The following NLGN1 variants were observed in gnomAD, a reference collection of about 807,000 sequenced individuals.
NLGN1 encodes the protein neuroligin 1, also known as neuroligin-1.
NLGN1 carries 12 observed loss-of-function variants against 65.5 expected under a neutral mutation model. That is an observed-to-expected ratio of 0.18 (90% confidence interval 0.12 to 0.30). The LOEUF (loss-of-function observed/expected upper bound fraction) is 0.30, where lower values mean the gene tolerates loss of function less well. NLGN1 is among the 10% of genes least tolerant of loss of function. The pLI, the probability that NLGN1 is intolerant of heterozygous loss-of-function variation, is 1.00. For synonymous variants in NLGN1, 350 were observed against 359.5 expected (o/e 0.97, Z 0.30); for missense variants, 750 against 1,007.1 (o/e 0.74, Z 3.46).
At chr3:174,144,729 T>C (rs1722898027) in intron 4 of NLGN1, among the ~76,000 whole-genome samples, 1 of 152,252 alleles carries the variant, frequency 6.6e-6, no homozygotes, top group Non-Finnish European at 1.5e-5. Flanking sequence ...GAGAAGTGTC[T>C]GTTCATATCC....
chr3:173,612,399 A>G (rs192291766), intron 3 of NLGN1, among the ~76,000 whole-genome samples: 73 of 152,240 alleles, frequency 4.8e-4, no homozygotes, highest in Middle Eastern at 6.8e-3. Context: ...TCTGGAGTCA[A>G]GAAGTTTAAA....
At chr3:174,221,615 T>TC (rs397717898) in intron 4 of NLGN1, among the ~76,000 whole-genome samples, 1 of 151,798 alleles carries the variant, frequency 6.6e-6, no homozygotes, top group Non-Finnish European at 1.5e-5. Flanking sequence ...TTTTTTTTTT[T>TC]CTAAAAACTG....
Position 173,884,835 on chromosome 3 carries a change from G to A in NLGN1, c.646+77003G>A, listed in dbSNP as rs73035431. Reference sequence around the variant, plus strand: ...CTGGAAAGTCCAAGGTTAAGGTGCCGACAGGTTCATGTCTGTTGAAGGCTG... The same window carrying A: ...CTGGAAAGTCCAAGGTTAAGGTGCCAACAGGTTCATGTCTGTTGAAGGCTG... On this transcript the variant is annotated intron_variant, in intron 4 of 6. Coordinates refer to ENST00000457714, the Ensembl canonical transcript of NLGN1. Among the ~76,000 whole-genome samples, 751 of 152,126 alleles carry A rather than the reference G, an allele frequency of 4.9e-3. 7 individuals are homozygous for A. Among genetic ancestry groups the A allele is most frequent in the African/African-American group, 0.017 (693 of 41,508 alleles).
chr3:174,154,134 A>G (rs1231310634), intron 4 of NLGN1, among the ~76,000 whole-genome samples: 4 of 152,122 alleles, frequency 2.6e-5, no homozygotes, highest in Non-Finnish European at 4.4e-5. Flanking sequence ...GAAGACATCT[A>G]GAACTATCAT....
At chr3:174,018,147 A>T (rs576777126) in intron 4 of NLGN1, among the ~76,000 whole-genome samples, 1 of 152,322 alleles carries the variant, frequency 6.6e-6, no homozygotes, top group South Asian at 2.1e-4. Context: ...TTGAAAGAAA[A>T]GAAATATGGC....
intron 2 of NLGN1, among the ~76,000 whole-genome samples, chr3:173,456,577 CA>C (rs1239588426): frequency 6.6e-6 from 1 of 152,106 alleles, no homozygotes; most frequent in Non-Finnish European, 1.5e-5. Context: ...TAGTATCTGT[CA>C]AAGACCAATT....
Position 174,050,921 on chromosome 3 carries a change from G to A in NLGN1, c.647-224394G>A, listed in dbSNP as rs192897299. Among the ~76,000 whole-genome samples, 658 of 152,126 alleles carry A rather than the reference G, an allele frequency of 4.3e-3. 2 individuals carry two copies. Among genetic ancestry groups the A allele is most frequent in the Admixed American group, 6.2e-3 (94 of 15,246 alleles). ...AGTTGAGCACGATGATTCCAGCCAC[G>A]AGAGAAGAGAACGCTGGGCTGAGAG... is the stretch of plus-strand genomic sequence containing the variant. On this transcript the variant is annotated intron_variant, in intron 4 of 6. Transcript: ENST00000457714.
chr3:173,557,493 T>G (rs1277933094), intron 2 of NLGN1, among the ~76,000 whole-genome samples: 2 of 152,144 alleles, frequency 1.3e-5, no homozygotes, highest in African/African-American at 4.8e-5. Flanking sequence ...TATTGTTTTC[T>G]CTTTGCCCTA....
At chr3:174,153,895 C>A (rs1005413484) in intron 4 of NLGN1, among the ~76,000 whole-genome samples, 4 of 152,018 alleles carry the variant, frequency 2.6e-5, no homozygotes, top group African/African-American at 9.7e-5. Context: ...AGCTGAATTT[C>A]TCTCCTTTGA....
At chr3:174,173,407 C>T (rs574062311) in intron 4 of NLGN1, among the ~76,000 whole-genome samples, 1 of 152,140 alleles carries the variant, frequency 6.6e-6, no homozygotes, top group African/African-American at 2.4e-5. Flanking sequence ...GAAAGGCTTT[C>T]AGTTTTTCCG....
At chr3:173,403,130 A>G (rs1047432056) in intron 1 of NLGN1, among the ~76,000 whole-genome samples, 3 of 152,200 alleles carry the variant, frequency 2.0e-5, no homozygotes, top group African/African-American at 7.2e-5. Context: ...GTCTGGCTGC[A>G]TGCTTCTGAT....
chr3:174,262,266 G>T (rs1244396840), intron 4 of NLGN1, among the ~76,000 whole-genome samples: 1 of 96,708 alleles, frequency 1.0e-5, no homozygotes, highest in Non-Finnish European at 2.0e-5. Flanking sequence ...AATGGTACCA[G>T]TTCCTCCTTG....
chr3:174,021,059 T>C (rs1394054225), intron 4 of NLGN1, among the ~76,000 whole-genome samples: 1 of 152,086 alleles, frequency 6.6e-6, no homozygotes, highest in East Asian at 2.0e-4. Flanking sequence ...CCTCTCTTGC[T>C]TTTTCTGCTT....
chr3:173,579,234 A>G (rs370917065), intron 2 of NLGN1, among the ~76,000 whole-genome samples: 1 of 152,222 alleles, frequency 6.6e-6, no homozygotes, highest in Non-Finnish European at 1.5e-5. Flanking sequence ...TAATCCCAGC[A>G]CAGCCAAGGT....
At chr3:173,857,505 AC>A (rs1430664381) in intron 4 of NLGN1, among the ~76,000 whole-genome samples, 1 of 151,782 alleles carries the variant, frequency 6.6e-6, no homozygotes, top group African/African-American at 2.4e-5. Context: ...TGCTTCTCCC[AC>A]CTCTGTACCC....
intron 2 of NLGN1, among the ~76,000 whole-genome samples, chr3:173,504,086 A>G (rs1731609346): frequency 6.6e-6 from 1 of 152,084 alleles, no homozygotes; most frequent in African/African-American, 2.4e-5. Context: ...GAGAAATGTA[A>G]TCAACTTTAG....
intron 3 of NLGN1, among the ~76,000 whole-genome samples, chr3:173,735,517 G>C (rs1250846395): frequency 6.6e-6 from 1 of 152,070 alleles, no homozygotes; most frequent in East Asian, 1.9e-4. Flanking sequence ...ATTTCTTACT[G>C]GTTCATGAAA....
rs188700973 is a variant in NLGN1 at position 174,234,396 on chromosome 3, T to C, written c.647-40919T>C. Among the ~76,000 whole-genome samples the C allele has an allele frequency of 1.1e-3, 160 of 152,254 alleles. 1 individual carries two copies. Among genetic ancestry groups the C allele is most frequent in the African/African-American group, 3.6e-3 (150 of 41,552 alleles). Reference sequence around the variant, plus strand: ...TGCATTCACAGCATCCTGCTAGCAATTGGGAGGGAAGCATGTGCAGTGTGT... The same window carrying C: ...TGCATTCACAGCATCCTGCTAGCAACTGGGAGGGAAGCATGTGCAGTGTGT... On this transcript the variant is annotated intron_variant, in intron 4 of 6. Coordinates refer to ENST00000457714, the Ensembl canonical transcript of NLGN1.
chr3:173,494,126 T>TGTGG (rs1233668112), intron 2 of NLGN1, among the ~76,000 whole-genome samples: 10 of 82,582 alleles, frequency 1.2e-4, no homozygotes, highest in Admixed American at 7.6e-4. Context: ...TAGGTGAGTG[T>TGTGG]GTGTGTGTGT....
Sources: allele counts gnomAD v4.1 joint callset (sites outside exome capture counted in the v4.1 genomes callset), GRCh38; gene constraint gnomAD v4.1.1; transcripts MANE v1.5; gene names NCBI Gene and HGNC (gene_info 2026-07-23, HGNC 2026-07-21).